The following PKHD1 variants were observed in gnomAD, a reference collection of about 807,000 sequenced individuals.
PKHD1 encodes the protein fibrocystin.
In PKHD1, 291 loss-of-function variants were observed where a neutral mutation model predicts 412.0. That is an observed-to-expected ratio of 0.71 (90% CI 0.64 to 0.78). PKHD1 has a LOEUF of 0.78. Among genes scored for constraint, PKHD1 ranks in the 30% least tolerant of loss-of-function variants. The probability of loss-of-function intolerance (pLI) is 0.00; values close to 1 mark genes in which losing one functional copy is unlikely to be tolerated. For synonymous variants in PKHD1, 1,777 were observed against 1,821.5 expected, an observed-to-expected ratio of 0.98 and a Z score of 0.62; for missense variants, 4,825 against 4,950.7, an observed-to-expected ratio of 0.97 and a Z score of 0.76.
In PKHD1 at chr6:52,070,935, C is replaced by T. The variant is rs924412466; in HGVS notation, c.667+71G>A. ...ATTATCCTCATGAGAACCAATCTTGCAATTGCTTTTGTCCGGATACAGAGA... is the reference window on the plus strand; with the variant it reads ...ATTATCCTCATGAGAACCAATCTTGTAATTGCTTTTGTCCGGATACAGAGA... On this transcript the variant is annotated intron_variant, in intron 9 of 66. Transcript: ENST00000371117. 4 of 890,504 alleles carry T rather than the reference C, an allele frequency of 4.5e-6. No homozygotes were observed. In the African/African-American group the frequency reaches 6.5e-5, roughly 15 times the overall value. The allele number at this position is 890,504 out of a possible 1,614,324, so 55.2% of individuals were successfully genotyped here.
At chr6:51,647,447 A>G (rs768383001) in intron 63 of PKHD1, among the ~76,000 whole-genome samples, 2 of 152,284 alleles carry the variant, frequency 1.3e-5, no homozygotes, top group Middle Eastern at 3.4e-3. Flanking sequence ...ATGAGCTTCA[A>G]GGAAAGTAAG....
chr6:51,662,333 T>C (rs1259046201), intron 60 of PKHD1, among the ~76,000 whole-genome samples: 1 of 151,442 alleles, frequency 6.6e-6, no homozygotes, highest in African/African-American at 2.4e-5. Flanking sequence ...TAACATATTC[T>C]CACCACACAC....
At chr6:51,734,375 T>G (rs367806811) in intron 60 of PKHD1, among the ~76,000 whole-genome samples, 17 of 152,204 alleles carry the variant, frequency 1.1e-4, no homozygotes, top group African/African-American at 3.9e-4. Flanking sequence ...TCTATAAAAT[T>G]TACTTTGTGG....
At chr6:51,655,912 T>C (rs967263219) in intron 61 of PKHD1, among the ~76,000 whole-genome samples, 2 of 152,092 alleles carry the variant, frequency 1.3e-5, no homozygotes, top group African/African-American at 4.8e-5. Flanking sequence ...AGTTCAACCA[T>C]TGTGGAAGAG....
rs560346217 is a variant in PKHD1 at position 51,617,057 on chromosome 6, G to A, written c.*2024C>T. ...ACTAGGCAGCTAAATGCATGGTATA[G>A]AGCTCAGGAAAAATACCTGTGGAAA... On this transcript the variant is annotated 3_prime_UTR_variant, in exon 67 of 67. Coordinates refer to ENST00000371117, the MANE Select transcript of PKHD1 (RefSeq NM_138694.4). 2 of 191,712 alleles carry A rather than the reference G, an allele frequency of 1.0e-5. No individual in the cohort carries two copies. Among genetic ancestry groups the A allele is most frequent in the African/African-American group, 4.6e-5 (2 of 43,272 alleles). 11.9% of individuals were successfully genotyped at this position (191,712 alleles called of 1,614,324 possible).
At chr6:51,916,886 C>A (rs1783886263) in intron 37 of PKHD1, among the ~76,000 whole-genome samples, 1 of 152,062 alleles carries the variant, frequency 6.6e-6, no homozygotes, top group African/African-American at 2.4e-5. Context: ...CCATGTTGAC[C>A]TGTTAACCAA....
chr6:51,615,721 G>T lies in PKHD1; in HGVS notation c.*3360C>A, dbSNP rs1766006584. The T allele has an allele frequency of 6.6e-6, 1 of 152,122 alleles. No homozygotes were observed. 9.4% of individuals were successfully genotyped at this position (152,122 alleles called of 1,614,324 possible). On this transcript the variant is annotated 3_prime_UTR_variant, in exon 67 of 67. Transcript: ENST00000371117. ...AATGTATAGTAATTTCATATATTTG[G>T]AGTAAGACTGATAGATGGAAGGGAG...
At chr6:51,983,572 G>A (rs189176277) in intron 35 of PKHD1, among the ~76,000 whole-genome samples, 4 of 152,308 alleles carry the variant, frequency 2.6e-5, no homozygotes, top group Non-Finnish European at 4.4e-5. Flanking sequence ...AGGGAAATGC[G>A]GAATATAAAC....
intron 35 of PKHD1, among the ~76,000 whole-genome samples, chr6:51,997,964 A>T (rs1255221142): frequency 6.6e-6 from 1 of 152,208 alleles, no homozygotes; most frequent in Non-Finnish European, 1.5e-5. Flanking sequence ...AAAACTAATT[A>T]AAGACACCAT....
chr6:52,010,039 G>C (rs1799605007), intron 35 of PKHD1, among the ~76,000 whole-genome samples: 1 of 151,952 alleles, frequency 6.6e-6, no homozygotes, highest in Non-Finnish European at 1.5e-5. Context: ...CATGCATACA[G>C]AAATCAGGAC....
chr6:51,787,187 T>C (rs1582687204), intron 53 of PKHD1, among the ~76,000 whole-genome samples: 1 of 152,036 alleles, frequency 6.6e-6, no homozygotes, highest in Non-Finnish European at 1.5e-5. Context: ...GGTGAAACCC[T>C]GTCTCTAATA....
At chr6:51,975,703 G>C (rs1794313707) in intron 35 of PKHD1, 1 of 151,530 alleles carries the variant, frequency 6.6e-6, no homozygotes, top group Admixed American at 6.6e-5. Flanking sequence ...AGGAGGCTGG[G>C]GCAGGAGGAT....
intron 55 of PKHD1, among the ~76,000 whole-genome samples, chr6:51,768,694 G>A (rs1483588235): frequency 1.3e-5 from 2 of 151,568 alleles, no homozygotes; most frequent in Non-Finnish European, 3.0e-5. Context: ...GAATATATTG[G>A]CTAAAACTTT....
rs1459361444 is a variant in PKHD1 at position 51,833,549 on chromosome 6, T to A, written c.8174-2560A>T. Among the ~76,000 whole-genome samples, 3 of 152,208 alleles carry A rather than the reference T, an allele frequency of 2.0e-5. No individual in the cohort carries two copies. In the East Asian group the frequency reaches 5.8e-4, roughly 29 times the overall value. ...GAGTTAAAGAAGCAGCAGTCAGAGA[T>A]CTACTGGGAGAATCAGAAGAGAGGA... is the stretch of plus-strand genomic sequence containing the variant. On this transcript the variant is annotated intron_variant, in intron 51 of 66. Transcript: ENST00000371117.
chr6:51,936,236 A>AAC (rs762511786), intron 36 of PKHD1, among the ~76,000 whole-genome samples: 2 of 152,092 alleles, frequency 1.3e-5, no homozygotes, highest in Non-Finnish European at 2.9e-5. Flanking sequence ...CTTATATACA[A>AAC]ACACACACAC....
intron 63 of PKHD1, among the ~76,000 whole-genome samples, chr6:51,643,752 A>T (rs775949970): frequency 6.6e-6 from 1 of 152,140 alleles, no homozygotes; most frequent in Non-Finnish European, 1.5e-5. Flanking sequence ...GTAGGCAAAC[A>T]TGCGCCGTGG....
chr6:51,771,264 GAACTCC>G, intron 55 of PKHD1, among the ~76,000 whole-genome samples: 1 of 151,924 alleles, frequency 6.6e-6, no homozygotes. Context: ...TGTATAAAGA[GAACTCC>G]AACTAATACA....
chr6:51,776,527 A>T (rs1243970912), intron 53 of PKHD1, among the ~76,000 whole-genome samples: 4 of 152,048 alleles, frequency 2.6e-5, no homozygotes, highest in Non-Finnish European at 1.5e-5. Flanking sequence ...TACACTGTCT[A>T]TGGCTAGATA....
intron 60 of PKHD1, among the ~76,000 whole-genome samples, chr6:51,699,749 A>T (rs1779200689): frequency 1.3e-5 from 2 of 152,060 alleles, no homozygotes; most frequent in Admixed American, 1.3e-4. Context: ...GTCATAAATG[A>T]TTTGTTTATT....
Sources: allele counts gnomAD v4.1 joint callset (sites outside exome capture counted in the v4.1 genomes callset), GRCh38; gene constraint gnomAD v4.1.1; transcripts MANE v1.5; gene names NCBI Gene and HGNC (gene_info 2026-07-23, HGNC 2026-07-21).